The following KIFC3 variants were observed in gnomAD, a reference collection of about 807,000 sequenced individuals.
KIFC3 encodes kinesin family member C3, also known as kinesin-like protein KIFC3.
A neutral mutation model predicts 101.8 loss-of-function variants in KIFC3; 60 were observed. The observed-to-expected ratio is 0.59, with a 90% CI of 0.48 to 0.73. The LOEUF (loss-of-function observed/expected upper bound fraction) is 0.73, where lower values mean the gene tolerates loss of function less well. KIFC3 is among the 30% of genes least tolerant of loss of function. KIFC3 has a pLI of 0.00. For synonymous variants in KIFC3, 476 were observed against 482.7 expected, an observed-to-expected ratio of 0.99 and a Z score of 0.18; for missense variants, 966 against 1,137.1, an observed-to-expected ratio of 0.85 and a Z score of 2.16.
chr16:57,851,317 T>A (rs2056053466), intron 1 of KIFC3, among the ~76,000 whole-genome samples: 2 of 152,186 alleles, frequency 1.3e-5, no homozygotes, highest in South Asian at 4.1e-4. Flanking sequence ...GCATGGCCTA[T>A]TATTTTTCAT....
At chr16:57,804,741 C>G (rs548992283), upstream of KIFC3, among the ~76,000 whole-genome samples, 1 of 151,810 alleles carries the variant, frequency 6.6e-6, no homozygotes, top group Non-Finnish European at 1.5e-5. Context: ...AGGCACACAC[C>G]AGTGTGCCTA....
chr16:57,796,491 C>T (rs1482002582), intron 2 of KIFC3, among the ~76,000 whole-genome samples: 1 of 152,216 alleles, frequency 6.6e-6, no homozygotes, highest in Non-Finnish European at 1.5e-5. Context: ...CTAATCAACC[C>T]TCTGCCAGCC....
At chr16:57,791,145 G>A (rs182839155) in intron 3 of KIFC3, 274 of 152,982 alleles carry the variant, frequency 1.8e-3, no homozygotes, top group Non-Finnish European at 2.2e-3. Context: ...CAGAAGAATC[G>A]CTTGAACCCA....
At position 57,758,809 on chromosome 16, in the gene KIFC3, C is replaced by A. The variant is rs1270778272; in HGVS notation, c.*125G>T. ...AGAAGAGCCTCCACTCTCGCCTCTA[C>A]CTCCGGGGGTCCTGGCGCTGCAGCA... On this transcript the variant is annotated 3_prime_UTR_variant, in exon 20 of 20. Coordinates refer to ENST00000445690, the MANE Select transcript of KIFC3 (RefSeq NM_001130100.2). The A allele has an allele frequency of 1.1e-5, 17 of 1,521,420 alleles. No homozygotes were observed. Among genetic ancestry groups the A allele is most frequent in the Non-Finnish European group, 1.5e-5 (17 of 1,100,732 alleles). 94.2% of individuals were successfully genotyped at this position (1,521,420 alleles called of 1,614,324 possible).
At chr16:57,784,892 C>T (rs1555616765) in intron 3 of KIFC3, among the ~76,000 whole-genome samples, 49 of 152,180 alleles carry the variant, frequency 3.2e-4, no homozygotes. Context: ...ACCCAAATGT[C>T]CTGCCCAGCC....
intron 18 of KIFC3, 27 bp downstream of exon 18, chr16:57,759,701 C>T: frequency 6.4e-7 from 1 of 1,564,032 alleles, no homozygotes; most frequent in Non-Finnish European, 8.7e-7. Context: ...GGGAGACTCC[C>T]CACCCACACT....
chr16:57,836,796 A>G (rs1219364458), intron 1 of KIFC3, among the ~76,000 whole-genome samples: 1 of 152,030 alleles, frequency 6.6e-6, no homozygotes, highest in African/African-American at 2.4e-5. Context: ...GGCTCATACA[A>G]TCCTCCCACC....
intron 19 of KIFC3, 97 bp downstream of exon 19, chr16:57,759,028 T>C: frequency 3.9e-6 from 6 of 1,538,944 alleles, no homozygotes; most frequent in Non-Finnish European, 5.3e-6. Context: ...CAGCAGGGGC[T>C]AGACCCAGCT....
chr16:57,767,629 C>A (rs1434309949), intron 9 of KIFC3, among the ~76,000 whole-genome samples: 1 of 152,124 alleles, frequency 6.6e-6, no homozygotes, highest in Non-Finnish European at 1.5e-5. Flanking sequence ...CTACACACAT[C>A]CTCCCATATA....
At chr16:57,772,349 G>C in intron 3 of KIFC3, 61 bp from the exon 4 acceptor site, 8 of 1,439,044 alleles carry the variant, frequency 5.6e-6, no homozygotes, top group Non-Finnish European at 7.8e-6. Context: ...CTACACCCAG[G>C]CCTCCTGCCC....
chr16:57,788,986 C>A (rs1257583112), intron 3 of KIFC3, among the ~76,000 whole-genome samples: 3 of 152,240 alleles, frequency 2.0e-5, no homozygotes, highest in African/African-American at 7.2e-5. Flanking sequence ...ACTTCAAGTT[C>A]TCAGGTGAAG....
intron 3 of KIFC3, chr16:57,775,118 T>A: frequency 7.1e-7 from 1 of 1,402,858 alleles, no homozygotes; most frequent in Non-Finnish European, 9.2e-7. Context: ...TGTTCTGTCC[T>A]TGCATCACAA....
At chr16:57,766,094 T>G (rs1461085825) in intron 10 of KIFC3, among the ~76,000 whole-genome samples, 1 of 152,152 alleles carries the variant, frequency 6.6e-6, no homozygotes, top group Admixed American at 6.5e-5. Context: ...TGACTGGTGG[T>G]GTATCTGAGG....
At chr16:57,830,299 G>A (rs1555479056) in intron 1 of KIFC3, among the ~76,000 whole-genome samples, 3 of 138,832 alleles carry the variant, frequency 2.2e-5, no homozygotes, top group South Asian at 2.3e-4. Flanking sequence ...GTGCAATGGT[G>A]TAATCTCGGC....
intron 18 of KIFC3, chr16:57,759,404 TG>T: frequency 1.7e-6 from 1 of 595,680 alleles, no homozygotes; most frequent in East Asian, 2.8e-5. Flanking sequence ...GGGGCTGCTC[TG>T]GAGGGGGCTT....
At chr16:57,833,156 A>C in intron 1 of KIFC3, among the ~76,000 whole-genome samples, 1 of 151,702 alleles carries the variant, frequency 6.6e-6, no homozygotes, top group East Asian at 1.9e-4. Flanking sequence ...CAGTGAGCCG[A>C]GATCACACGA....
intron 1 of KIFC3, chr16:57,862,624 C>T: frequency 3.2e-6 from 1 of 314,374 alleles, no homozygotes; most frequent in Non-Finnish European, 6.4e-6. Context: ...GCTACAATCC[C>T]AATCACTGTT....
Position 57,837,955 on chromosome 16 carries a change from T to C in KIFC3, c.108+24774A>G, listed in dbSNP as rs575456401. On this transcript the variant is annotated intron_variant, in intron 1 of 2. Transcript: ENST00000563028. Reference sequence around the variant, plus strand: ...TGGCAGAGCGCAGCCCAGACCCAGGTCCGCTAACTCCTGGTGGGCCACACT... The same window carrying C: ...TGGCAGAGCGCAGCCCAGACCCAGGCCCGCTAACTCCTGGTGGGCCACACT... Among the ~76,000 whole-genome samples the C allele has an allele frequency of 7.4e-4, 112 of 152,194 alleles. 1 individual carries two copies. The South Asian group carries it at 0.013, about 18-fold the overall frequency.
chr16:57,777,074 G>A (rs781894173), intron 3 of KIFC3: 1 of 152,026 alleles, frequency 6.6e-6, no homozygotes, highest in Non-Finnish European at 1.5e-5. Flanking sequence ...ATCCAAAAAG[G>A]AAATTAAGAA....
Sources: gnomAD v4.1 joint callset for allele counts (sites outside exome capture counted in the v4.1 genomes callset) on GRCh38, gnomAD v4.1.1 for gene constraint, MANE v1.5 for transcripts, NCBI Gene and HGNC (gene_info 2026-07-23, HGNC 2026-07-21) for gene names.